CENPP: variants seen among roughly 807,000 people sequenced by gnomAD.
CENPP encodes the protein centromere protein P.
In CENPP, 24 loss-of-function variants were observed where a neutral mutation model predicts 35.6. The observed-to-expected ratio is 0.67, with a 90% CI of 0.49 to 0.95. The LOEUF is 0.95. Ranked by LOEUF, CENPP falls within the 40% of genes least tolerant of loss-of-function variation. CENPP has a pLI of 0.00. For missense variants in CENPP, 332 were observed against 345.3 expected (o/e 0.96, Z 0.31); for synonymous variants, 120 against 125.5 (o/e 0.96, Z 0.29).
intron 5 of CENPP, chr9:92,502,800 T>G: frequency 3.1e-6 from 2 of 642,746 alleles, no homozygotes; most frequent in Non-Finnish European, 2.3e-6. Context: ...TATTTTTAAG[T>G]TGTCTTTTTT....
chr9:92,519,640 A>C (rs1177435882), intron 5 of CENPP, among the ~76,000 whole-genome samples: 1 of 152,188 alleles, frequency 6.6e-6, no homozygotes, highest in Admixed American at 6.5e-5. Context: ...ACCAAATACA[A>C]ACATTAGCTC....
At chr9:92,575,607 T>G (rs1850262138) in intron 5 of CENPP, among the ~76,000 whole-genome samples, 1 of 150,202 alleles carries the variant, frequency 6.7e-6, no homozygotes, top group Non-Finnish European at 1.5e-5. Flanking sequence ...AGGTCAGGAG[T>G]TCAAGACCAG....
intron 5 of CENPP, among the ~76,000 whole-genome samples, chr9:92,446,104 G>T (rs1554763886): frequency 6.6e-6 from 1 of 152,074 alleles, no homozygotes; most frequent in Non-Finnish European, 1.5e-5. Context: ...CTCCATCACT[G>T]GAAGTCTTAA....
chr9:92,370,202 A>G (rs1159201230), intron 4 of CENPP, among the ~76,000 whole-genome samples: 1 of 152,112 alleles, frequency 6.6e-6, no homozygotes, highest in Non-Finnish European at 1.5e-5. Context: ...CATGTGCTTA[A>G]AAGGGTTTGG....
intron 5 of CENPP, among the ~76,000 whole-genome samples, chr9:92,551,909 T>C (rs1232420689): frequency 8.2e-6 from 1 of 122,442 alleles, no homozygotes; most frequent in Admixed American, 8.5e-5. Context: ...GCATTTGTTA[T>C]ATATATGGTG....
intron 2 of CENPP, among the ~76,000 whole-genome samples, chr9:92,333,144 A>G (rs1840808480): frequency 6.6e-6 from 1 of 152,206 alleles, no homozygotes; most frequent in Non-Finnish European, 1.5e-5. Context: ...ACTAAGAGAT[A>G]AAGGGAAGCT....
intron 5 of CENPP, among the ~76,000 whole-genome samples, chr9:92,422,643 C>T (rs1204111338): frequency 1.3e-5 from 2 of 152,228 alleles, no homozygotes; most frequent in East Asian, 1.9e-4. Context: ...CCTCCCTCCA[C>T]GTTCCTAACC....
intron 5 of CENPP, chr9:92,414,547 T>C (rs1843531168): frequency 4.8e-6 from 1 of 209,710 alleles, no homozygotes. Flanking sequence ...TGAATCTGTA[T>C]GCCTTGGGTC....
At chr9:92,566,920 CAG>C (rs935498574) in intron 5 of CENPP, among the ~76,000 whole-genome samples, 1 of 152,120 alleles carries the variant, frequency 6.6e-6, no homozygotes, top group African/African-American at 2.4e-5. Context: ...CTGTGCAAAA[CAG>C]AGAAACTTGA....
At chr9:92,609,112 C>T (rs190962579) in intron 5 of CENPP, among the ~76,000 whole-genome samples, 1 of 152,386 alleles carries the variant, frequency 6.6e-6, no homozygotes, top group East Asian at 1.9e-4. Context: ...ACACTTTCCA[C>T]TTAAATCACT....
chr9:92,377,485 T>C (rs1842150463), intron 4 of CENPP, among the ~76,000 whole-genome samples: 2 of 152,216 alleles, frequency 1.3e-5, no homozygotes, highest in African/African-American at 4.8e-5. Context: ...TTAAGACTGC[T>C]ACTGTGGCCA....
At chr9:92,360,928 C>T (rs1470597099) in intron 4 of CENPP, among the ~76,000 whole-genome samples, 12 of 151,742 alleles carry the variant, frequency 7.9e-5, no homozygotes, top group South Asian at 2.1e-4. Context: ...AGGATAGTCT[C>T]GATCTCCTGA....
intron 5 of CENPP, among the ~76,000 whole-genome samples, chr9:92,541,580 T>A (rs1323693989): frequency 6.6e-6 from 1 of 151,872 alleles, no homozygotes; most frequent in Admixed American, 6.6e-5. Flanking sequence ...TCATGCAGTA[T>A]CTGTCTTTCT....
chr9:92,475,905 T>C (rs775009869), intron 5 of CENPP, among the ~76,000 whole-genome samples: 3 of 152,248 alleles, frequency 2.0e-5, no homozygotes, highest in Non-Finnish European at 4.4e-5. Flanking sequence ...AAAACAGAAC[T>C]ATACAAATGA....
At chr9:92,326,357 G>C (rs1446404535) in intron 1 of CENPP, among the ~76,000 whole-genome samples, 1 of 152,210 alleles carries the variant, frequency 6.6e-6, no homozygotes, top group East Asian at 1.9e-4. Context: ...AGGAAGTCTT[G>C]ACTATATCCC....
intron 5 of CENPP, among the ~76,000 whole-genome samples, chr9:92,548,471 T>C (rs1849520156): frequency 6.6e-6 from 1 of 152,220 alleles, no homozygotes; most frequent in South Asian, 2.1e-4. Context: ...TTACTGCATA[T>C]GATCACTAAT....
chr9:92,393,061 A>C (rs759443335), intron 5 of CENPP: 1 of 1,592,682 alleles, frequency 6.3e-7, no homozygotes, highest in Non-Finnish European at 8.6e-7. Context: ...AGTTAATACT[A>C]ATATCATATT....
At chr9:92,459,224 G>T (rs1304248432) in intron 5 of CENPP, among the ~76,000 whole-genome samples, 2 of 152,300 alleles carry the variant, frequency 1.3e-5, no homozygotes, top group South Asian at 4.1e-4. Flanking sequence ...CACTGAAAGC[G>T]AAAATACCAG....
At chr9:92,544,173 T>C (rs1231340433) in intron 5 of CENPP, among the ~76,000 whole-genome samples, 5 of 152,250 alleles carry the variant, frequency 3.3e-5, no homozygotes. Context: ...ACTGTGCACT[T>C]GTCATAAATG....
Sources: gnomAD v4.1 joint callset for allele counts (sites outside exome capture counted in the v4.1 genomes callset) on GRCh38, gnomAD v4.1.1 for gene constraint, MANE v1.5 for transcripts, NCBI Gene and HGNC (gene_info 2026-07-23, HGNC 2026-07-21) for gene names.